Variants in IL1RAPL2 observed in about 807,000 individuals in gnomAD.
The protein encoded by IL1RAPL2 is interleukin 1 receptor accessory protein like 2.
Under a neutral mutation model 44.1 loss-of-function variants are expected in IL1RAPL2, and 3 were observed. The observed-to-expected ratio is 0.07, with a 90% CI of 0.03 to 0.18. IL1RAPL2 has a LOEUF of 0.18. Ranked by LOEUF, IL1RAPL2 falls within the 10% of genes least tolerant of loss-of-function variation. The pLI is 1.00. For synonymous variants in IL1RAPL2, 181 were observed against 178.8 expected (o/e 1.01, Z -0.10); for missense variants, 391 against 496.4 (o/e 0.79, Z 2.02).
intron 1 of IL1RAPL2, among the ~76,000 whole-genome samples, chrX:104,654,263 A>G (rs1459171260): frequency 2.7e-5 from 3 of 111,638 alleles, no homozygotes; most frequent in South Asian, 3.7e-4. Flanking sequence ...TCACATAAAC[A>G]ACTGTAAATG....
At chrX:105,507,436 A>C (rs2036438885) in intron 6 of IL1RAPL2, among the ~76,000 whole-genome samples, 1 of 111,813 alleles carries the variant, frequency 8.9e-6, no homozygotes, top group South Asian at 3.7e-4. Flanking sequence ...TTTCAAAGCA[A>C]GGATTAAAAT....
chrX:104,575,027 G>A (rs954320195), intron 1 of IL1RAPL2, among the ~76,000 whole-genome samples: 4 of 111,727 alleles, frequency 3.6e-5, no homozygotes, highest in African/African-American at 1.3e-4. Flanking sequence ...TCTGCTTAAA[G>A]CACAGTGGCA....
intron 6 of IL1RAPL2, among the ~76,000 whole-genome samples, chrX:105,613,252 G>A (rs1342516389): frequency 9.0e-6 from 1 of 111,442 alleles, no homozygotes; most frequent in African/African-American, 3.3e-5. Context: ...GCCTTGAAGG[G>A]AAGGACACGG....
chrX:105,252,267 A>G (rs922709614), intron 4 of IL1RAPL2, among the ~76,000 whole-genome samples: 1 of 111,565 alleles, frequency 9.0e-6, no homozygotes, highest in African/African-American at 3.2e-5. Context: ...TCAATAATTC[A>G]TTTCTTTTTA....
At chrX:104,597,813 GT>G (rs1928795852) in intron 1 of IL1RAPL2, among the ~76,000 whole-genome samples, 1 of 111,971 alleles carries the variant, frequency 8.9e-6, no homozygotes, top group African/African-American at 3.2e-5. Flanking sequence ...GGCACAGCAG[GT>G]TTTTTGGGGA....
intron 2 of IL1RAPL2, among the ~76,000 whole-genome samples, chrX:105,007,808 T>C (rs1429636471): frequency 8.8e-6 from 1 of 113,801 alleles, no homozygotes; most frequent in African/African-American, 3.2e-5. Flanking sequence ...AATGTAGATA[T>C]ACTACAAAGA....
At chrX:104,822,178 T>A (rs1478440585) in intron 2 of IL1RAPL2, among the ~76,000 whole-genome samples, 2 of 111,625 alleles carry the variant, frequency 1.8e-5, no homozygotes, top group Non-Finnish European at 3.8e-5. Flanking sequence ...ATTGTAAAAA[T>A]TTTCTCCCAT....
intron 5 of IL1RAPL2, among the ~76,000 whole-genome samples, chrX:105,399,184 G>T (rs201599449): frequency 9.0e-6 from 1 of 111,356 alleles, no homozygotes; most frequent in South Asian, 3.7e-4. Context: ...TAATTTGTCT[G>T]CTCTCTAATT....
At chrX:104,937,861 A>C (rs73635168) in intron 2 of IL1RAPL2, among the ~76,000 whole-genome samples, 2,675 of 112,493 alleles carry the variant, frequency 0.024, 84 homozygotes, top group African/African-American at 0.081. Context: ...TTACTAAAGT[A>C]GTGATTTGGA....
At chrX:104,677,465 C>A (rs1039476619) in intron 2 of IL1RAPL2, among the ~76,000 whole-genome samples, 3 of 111,109 alleles carry the variant, frequency 2.7e-5, no homozygotes, top group Non-Finnish European at 5.7e-5. Context: ...CTCAGATCTC[C>A]AGCTGCGTGC....
intron 6 of IL1RAPL2, among the ~76,000 whole-genome samples, chrX:105,542,691 T>A (rs748673878): frequency 1.4e-3 from 137 of 96,150 alleles, no homozygotes; most frequent in African/African-American, 4.9e-3. Context: ...TTTTTATATT[T>A]TTTATTTATT....
chrX:104,772,992 C>T (rs1932662181), intron 2 of IL1RAPL2, among the ~76,000 whole-genome samples: 1 of 111,369 alleles, frequency 9.0e-6, no homozygotes, highest in East Asian at 2.8e-4. Flanking sequence ...TCACTGCAGC[C>T]TCAACTTCCT....
intron 2 of IL1RAPL2, among the ~76,000 whole-genome samples, chrX:104,684,792 C>T (rs1223976222): frequency 8.9e-6 from 1 of 112,247 alleles, no homozygotes; most frequent in Non-Finnish European, 1.9e-5. Flanking sequence ...GAATAAAGTG[C>T]ATCTTGGATT....
chrX:105,436,689 G>T (rs1268877814), intron 5 of IL1RAPL2, among the ~76,000 whole-genome samples: 1 of 110,788 alleles, frequency 9.0e-6, no homozygotes, highest in East Asian at 2.9e-4. Context: ...ACAGTAGGTG[G>T]GATGCCAAGC....
At chrX:105,004,136 C>T (rs2030900483) in intron 2 of IL1RAPL2, among the ~76,000 whole-genome samples, 1 of 110,318 alleles carries the variant, frequency 9.1e-6, no homozygotes, top group Non-Finnish European at 1.9e-5. Context: ...AAGGGCAGCC[C>T]ATTCACTATG....
intron 2 of IL1RAPL2, among the ~76,000 whole-genome samples, chrX:104,682,664 T>G (rs1930908470): frequency 8.9e-6 from 1 of 111,897 alleles, no homozygotes; most frequent in Non-Finnish European, 1.9e-5. Flanking sequence ...CAATAAATAT[T>G]CATTGAATGA....
At chrX:105,753,372 A>G (rs1027143773) in intron 9 of IL1RAPL2, among the ~76,000 whole-genome samples, 1 of 111,884 alleles carries the variant, frequency 8.9e-6, no homozygotes, top group African/African-American at 3.2e-5. Context: ...GTCTGACATT[A>G]TGGAGTTTGA....
intron 2 of IL1RAPL2, among the ~76,000 whole-genome samples, chrX:105,076,425 T>C (rs1296138231): frequency 8.9e-6 from 1 of 111,982 alleles, no homozygotes; most frequent in Non-Finnish European, 1.9e-5. Context: ...TTATAATTTC[T>C]GTTCTTTTAC....
chrX:104,874,304 C>T (rs1922847977), intron 2 of IL1RAPL2, among the ~76,000 whole-genome samples: 1 of 107,743 alleles, frequency 9.3e-6, no homozygotes, highest in South Asian at 4.2e-4. Flanking sequence ...CTCTCTCTCT[C>T]TCTCTCTCTC....
Sources: allele counts gnomAD v4.1 joint callset (sites outside exome capture counted in the v4.1 genomes callset), GRCh38; gene constraint gnomAD v4.1.1; transcripts MANE v1.5; gene names NCBI Gene and HGNC (gene_info 2026-07-23, HGNC 2026-07-21).